The following ZNF254 variants were observed in gnomAD, a reference collection of about 807,000 sequenced individuals.
The protein encoded by ZNF254 is CTD-2017D11.1.
In ZNF254, 10 loss-of-function variants were observed where a neutral mutation model predicts 12.4. The ratio of observed to expected loss-of-function variants is 0.80; its 90% CI spans 0.50 to 1.36. ZNF254 has a LOEUF of 1.36. ZNF254 is among the 40% of genes most tolerant of loss of function. ZNF254 has a pLI of 0.00. For missense variants in ZNF254, 996 were observed against 763.9 expected, an observed-to-expected ratio of 1.30 and a Z score of -3.58; for synonymous variants, 305 against 253.4, an observed-to-expected ratio of 1.20 and a Z score of -1.93.
intron 2 of ZNF254, among the ~76,000 whole-genome samples, chr19:24,081,885 G>A (rs541581296): frequency 1.3e-5 from 2 of 152,322 alleles, no homozygotes; most frequent in South Asian, 2.1e-4. Flanking sequence ...CACATTGGGA[G>A]GCCAAGGCAG....
chr19:24,102,754 G>A (rs906395635), intron 1 of ZNF254, among the ~76,000 whole-genome samples: 3 of 152,116 alleles, frequency 2.0e-5, no homozygotes, highest in African/African-American at 7.2e-5. Flanking sequence ...CTTGTTTTCT[G>A]TTCCTGCAGA....
At chr19:24,047,495 C>T (rs1157719676) in intron 2 of ZNF254, among the ~76,000 whole-genome samples, 1 of 151,736 alleles carries the variant, frequency 6.6e-6, no homozygotes, top group Non-Finnish European at 1.5e-5. Context: ...CGTCAAGCTC[C>T]TGTGCTCAAC....
At chr19:24,052,710 C>T (rs1970694295) in intron 2 of ZNF254, among the ~76,000 whole-genome samples, 1 of 152,164 alleles carries the variant, frequency 6.6e-6, no homozygotes, top group South Asian at 2.1e-4. Context: ...CCTATCCCTG[C>T]CCTTAGAGAT....
At chr19:24,089,747 C>T (rs545791518) in intron 1 of ZNF254, among the ~76,000 whole-genome samples, 34 of 152,052 alleles carry the variant, frequency 2.2e-4, no homozygotes, top group African/African-American at 7.5e-4. Context: ...ATATTGTCTT[C>T]ACCCAACCCA....
upstream of ZNF254, among the ~76,000 whole-genome samples, chr19:24,084,437 T>C (rs1971954487): frequency 6.6e-6 from 1 of 151,852 alleles, no homozygotes; most frequent in South Asian, 2.1e-4. Flanking sequence ...GATAAAAGAC[T>C]ACATATTGGG....
chr19:24,086,057 A>G (rs914355046), upstream of ZNF254, among the ~76,000 whole-genome samples: 11 of 151,222 alleles, frequency 7.3e-5, no homozygotes, highest in African/African-American at 2.7e-4. Flanking sequence ...AATGCAAAAA[A>G]TTAGCCAGGT....
At chr19:24,071,830 A>G (rs1342794825) in intron 2 of ZNF254, among the ~76,000 whole-genome samples, 1 of 152,174 alleles carries the variant, frequency 6.6e-6, no homozygotes, top group Non-Finnish European at 1.5e-5. Flanking sequence ...TACATCACTT[A>G]GGTGATGAAC....
intron 3 of ZNF254, among the ~76,000 whole-genome samples, chr19:24,117,222 C>T (rs1408903703): frequency 1.3e-5 from 2 of 152,138 alleles, no homozygotes; most frequent in Admixed American, 1.3e-4. Flanking sequence ...CTGCTCTCTT[C>T]AAAGCTGTCA....
chr19:24,085,945 G>C (rs1431086625), upstream of ZNF254, among the ~76,000 whole-genome samples: 1 of 152,072 alleles, frequency 6.6e-6, no homozygotes, highest in African/African-American at 2.4e-5. Flanking sequence ...GATGGCTCAC[G>C]CCTGTAATCC....
chr19:24,126,765 ACATGAAATAATT>A lies in ZNF254; in HGVS notation c.770_781del (p.Glu257_His260del), dbSNP rs1974881083. The A allele has an allele frequency of 4.3e-6, 7 of 1,613,228 alleles. No individual in the cohort carries two copies. The highest frequency in any genetic ancestry group is 5.9e-6 in the Non-Finnish European group (7 of 1,179,724). On this transcript the variant is annotated inframe_deletion, in exon 4 of 4. Coordinates refer to ENST00000357002, the MANE Select transcript of ZNF254 (RefSeq NM_203282.4). ...CTAAGCAACTCTCAACCCTTACTAC[ACATGAAATAATT>A]CATGCTGGAGAGAAACTCTACAAAT... is the stretch of plus-strand genomic sequence containing the variant.
At chr19:24,123,579 C>T (rs1358908877) in intron 3 of ZNF254, among the ~76,000 whole-genome samples, 1 of 151,712 alleles carries the variant, frequency 6.6e-6, no homozygotes, top group East Asian at 1.9e-4. Flanking sequence ...TATTTGGAAC[C>T]CTAATGTGAG....
intron 3 of ZNF254, among the ~76,000 whole-genome samples, chr19:24,118,408 A>T (rs1388611604): frequency 1.3e-5 from 2 of 152,124 alleles, no homozygotes; most frequent in Non-Finnish European, 2.9e-5. Flanking sequence ...GATAGTGGTC[A>T]TTTAAATGGA....
intron 1 of ZNF254, among the ~76,000 whole-genome samples, chr19:24,036,482 TG>T (rs1238697739): frequency 6.6e-6 from 1 of 152,152 alleles, no homozygotes; most frequent in Non-Finnish European, 1.5e-5. Context: ...GAATTGTGAC[TG>T]GGATCTGCAG....
intron 2 of ZNF254, among the ~76,000 whole-genome samples, chr19:24,050,096 G>T (rs906268214): frequency 6.6e-6 from 1 of 151,596 alleles, no homozygotes; most frequent in African/African-American, 2.4e-5. Flanking sequence ...TGCCTACAAG[G>T]TGCATTGTAA....
In ZNF254 at chr19:24,128,022, A is replaced by T. The variant is rs1478503351; in HGVS notation, c.*42A>T. 1 of 1,488,296 alleles carries T rather than the reference A, an allele frequency of 6.7e-7. No homozygotes were observed. Among genetic ancestry groups the T allele is most frequent in the African/African-American group, 1.4e-5 (1 of 71,466 alleles). 92.2% of individuals were successfully genotyped at this position (1,488,296 alleles called of 1,614,324 possible). ...TAAGAAAACCCTCAATTCTTAATAGATATAAGATTATTCCTACTGGAGAGA... is the reference window on the plus strand; with the variant it reads ...TAAGAAAACCCTCAATTCTTAATAGTTATAAGATTATTCCTACTGGAGAGA... On this transcript the variant is annotated 3_prime_UTR_variant, in exon 4 of 4. Coordinates refer to ENST00000357002, the MANE Select transcript of ZNF254 (RefSeq NM_203282.4).
intron 2 of ZNF254, among the ~76,000 whole-genome samples, chr19:24,049,208 A>ATT (rs1370365405): frequency 3.2e-4 from 15 of 47,548 alleles, no homozygotes; most frequent in African/African-American, 1.5e-3. Context: ...ATATATATAT[A>ATT]TATATATTTT....
At position 24,106,565 on chromosome 19, in the gene ZNF254, C is replaced by A. The variant is rs746404648; in HGVS notation, c.175C>A (p.Pro59Thr). The change falls in exon 3 of 4, where the codon CCA becomes ACA. Residue 59 changes from proline to threonine, a missense_variant. Pro to Thr is a conservative substitution (Grantham distance 38, BLOSUM62 -1). Coordinates refer to ENST00000357002, the MANE Select transcript of ZNF254 (RefSeq NM_203282.4). The stretch of plus-strand genomic sequence containing the variant: ...TAAAACAGGTATTGCTGTCTCTAAG[C>A]CAGACCTGATCACCTGTCTGGAACA... ...LAFLGIAVSK[P>T]DLITCLEQGK... 2 of 1,582,092 alleles carry A rather than the reference C, an allele frequency of 1.3e-6. No homozygotes were observed. The highest frequency in any genetic ancestry group is 1.1e-5 in the South Asian group (1 of 90,716).
At chr19:24,075,025 G>T (rs1481300248) in intron 2 of ZNF254, among the ~76,000 whole-genome samples, 1 of 152,184 alleles carries the variant, frequency 6.6e-6, no homozygotes, top group Non-Finnish European at 1.5e-5. Context: ...CATGTATTGT[G>T]ATGTATGGCT....
intron 1 of ZNF254, among the ~76,000 whole-genome samples, chr19:24,041,985 G>A (rs1408540671): frequency 1.3e-5 from 2 of 151,374 alleles, no homozygotes; most frequent in East Asian, 1.9e-4. Context: ...CTCAAGGTTT[G>A]TGAGTGCACC....
Sources: allele counts gnomAD v4.1 joint callset (sites outside exome capture counted in the v4.1 genomes callset), GRCh38; gene constraint gnomAD v4.1.1; transcripts MANE v1.5; gene names NCBI Gene and HGNC (gene_info 2026-07-23, HGNC 2026-07-21).